The following AKAP13 variants were observed in gnomAD, a reference collection of about 807,000 sequenced individuals.
The protein encoded by AKAP13 is A-kinase anchor protein 13.
AKAP13 carries 80 observed loss-of-function variants against 264.5 expected under a neutral mutation model. That is an observed-to-expected ratio of 0.30 (90% CI 0.25 to 0.36). AKAP13 has a LOEUF of 0.36. Among genes scored for constraint, AKAP13 ranks in the 10% least tolerant of loss-of-function variants. The pLI is 1.00. For missense variants in AKAP13, 3,712 were observed against 3,435.2 expected (o/e 1.08, Z -2.01); for synonymous variants, 1,380 against 1,250.2 (o/e 1.10, Z -2.19).
At chr15:85,734,837 C>T (rs2241266) in intron 30 of AKAP13, among the ~76,000 whole-genome samples, 155 bp from the exon 31 acceptor site, 20,134 of 152,198 alleles carry the variant, frequency 0.13, 1,771 homozygotes, top group East Asian at 0.34. Flanking sequence ...AAAACACATA[C>T]CCTGAGCTGA....
intron 7 of AKAP13, among the ~76,000 whole-genome samples, chr15:85,585,421 A>T (rs1262067664): frequency 6.6e-6 from 1 of 152,204 alleles, no homozygotes; most frequent in Non-Finnish European, 1.5e-5. Flanking sequence ...CAGATTTGTC[A>T]TAAAAAGTCA....
chr15:85,424,882 C>G (rs748981449), intron 1 of AKAP13, among the ~76,000 whole-genome samples: 2 of 152,090 alleles, frequency 1.3e-5, no homozygotes, highest in Non-Finnish European at 2.9e-5. Context: ...TAGGGAGACT[C>G]AAGAAGAGGG....
chr15:85,418,662 A>G (rs1213687708), intron 1 of AKAP13, among the ~76,000 whole-genome samples: 1 of 152,260 alleles, frequency 6.6e-6, no homozygotes, highest in Non-Finnish European at 1.5e-5. Context: ...AAAAAGTGAT[A>G]AAGTAGCCTT....
At chr15:85,386,288 C>T (rs1045546310) in intron 1 of AKAP13, among the ~76,000 whole-genome samples, 4 of 151,726 alleles carry the variant, frequency 2.6e-5, no homozygotes, top group African/African-American at 7.3e-5. Flanking sequence ...CCCTATATTT[C>T]CTCCTACAAG....
chr15:85,580,719 T>C lies in AKAP13; in HGVS notation c.2651T>C (p.Leu884Pro), dbSNP rs776861948. The stretch of plus-strand genomic sequence containing the variant: ...GCCCCTCCAGCAATCCCAGAAGCTC[T>C]GAATATCAAGGGGAACACTGACTCT... Reference protein sequence around the residue: ...GPAPPAIPEALNIKGNTDSSL... With the variant: ...GPAPPAIPEAPNIKGNTDSSL... The change falls in exon 7 of 37, where the codon CTG becomes CCG. Residue 884 changes from leucine (L) to proline (P), a missense_variant. Physicochemically the swap from Leu to Pro is moderately conservative, Grantham distance 98. This residue lies in a region of AKAP13 where 2,759 missense variants were observed against 2,411.7 expected (regional missense o/e 1.14). Coordinates refer to ENST00000394518, the MANE Select transcript of AKAP13 (RefSeq NM_007200.5). The C allele has an allele frequency of 1.2e-6, 2 of 1,614,168 alleles. No homozygotes were observed. Among genetic ancestry groups the C allele is most frequent in the Non-Finnish European group, 1.7e-6 (2 of 1,180,034 alleles).
chr15:85,609,791 A>C (rs1353493233), intron 8 of AKAP13, among the ~76,000 whole-genome samples: 3 of 152,130 alleles, frequency 2.0e-5, no homozygotes, highest in Non-Finnish European at 4.4e-5. Flanking sequence ...TAACATCTTT[A>C]CCTTCACTCA....
At chr15:85,565,916 A>G (rs977914418) in intron 5 of AKAP13, among the ~76,000 whole-genome samples, 1 of 152,350 alleles carries the variant, frequency 6.6e-6, no homozygotes, top group African/African-American at 2.4e-5. Flanking sequence ...GTACCAAGCC[A>G]TGGTCTCTCA....
chr15:85,655,145 T>C (rs935680970), intron 10 of AKAP13, among the ~76,000 whole-genome samples: 2 of 152,156 alleles, frequency 1.3e-5, no homozygotes, highest in Admixed American at 6.5e-5. Flanking sequence ...TGAGCTAAGA[T>C]GGAGCCACTG....
chr15:85,593,329 A>G (rs549981095), intron 8 of AKAP13, among the ~76,000 whole-genome samples: 15 of 152,152 alleles, frequency 9.9e-5, no homozygotes, highest in African/African-American at 3.4e-4. Context: ...AAACAAAAAA[A>G]CAAAAAAACA....
chr15:85,415,545 A>G lies in AKAP13; in HGVS notation c.-12+34747A>G, dbSNP rs546931950. 3.2e-3 allele frequency: 4,715 copies of G among 1,464,840 alleles called. 157 individuals carry two copies. The South Asian group carries it at 0.049, about 15-fold the overall frequency. The allele number at this position is 1,464,840 out of a possible 1,614,324, so 90.7% of individuals were successfully genotyped here. On this transcript the variant is annotated intron_variant, in intron 1 of 36. Coordinates refer to ENST00000394518, the MANE Select transcript of AKAP13 (RefSeq NM_007200.5). ...GGAGTGGGATGGGAAGGAAAACACA[A>G]TAAGAAGAAAATTGAAAGATGGGAA...
chr15:85,688,309 T>G (rs1393486023), intron 16 of AKAP13, among the ~76,000 whole-genome samples: 1 of 152,184 alleles, frequency 6.6e-6, no homozygotes, highest in East Asian at 1.9e-4. Flanking sequence ...ACACTGATTT[T>G]TCTGTGAAAA....
At chr15:85,393,508 T>C (rs1476470000) in intron 1 of AKAP13, among the ~76,000 whole-genome samples, 5 of 152,230 alleles carry the variant, frequency 3.3e-5, no homozygotes, top group Non-Finnish European at 4.4e-5. Flanking sequence ...TAGAATAGTG[T>C]GTATGTCCAG....
rs2151691941 is a variant in AKAP13, at chr15:85,708,897, T to C, written c.5532+811T>C. Among the ~76,000 whole-genome samples, 1 of 152,322 alleles carries C rather than the reference T, an allele frequency of 6.6e-6. No individual in the cohort carries two copies. The highest frequency in any genetic ancestry group is 2.4e-5 in the African/African-American group (1 of 41,584). On this transcript the variant is annotated intron_variant, in intron 18 of 36. Coordinates refer to ENST00000394518, the MANE Select transcript of AKAP13 (RefSeq NM_007200.5). The surrounding 1 kb of genome is among the most constrained non-coding windows in gnomAD (Gnocchi z 4.3). Reference sequence around the variant, plus strand: ...GAGGGCTTATTGAAAGACAACTTACTGAGCCCCACTCCCAGAGTCTCAGAT... The same window carrying C: ...GAGGGCTTATTGAAAGACAACTTACCGAGCCCCACTCCCAGAGTCTCAGAT...
At chr15:85,646,463 C>T (rs2082566316) in intron 10 of AKAP13, among the ~76,000 whole-genome samples, 1 of 152,092 alleles carries the variant, frequency 6.6e-6, no homozygotes, top group Non-Finnish European at 1.5e-5. Context: ...AAGCATTGGC[C>T]AAAGTTATTT....
chr15:85,635,371 A>G (rs2082026508), intron 8 of AKAP13, among the ~76,000 whole-genome samples: 1 of 152,184 alleles, frequency 6.6e-6, no homozygotes, highest in Non-Finnish European at 1.5e-5. Context: ...TTTAAATAAA[A>G]TGTTTATTCA....
At chr15:85,503,983 G>T (rs2076112397) in intron 2 of AKAP13, among the ~76,000 whole-genome samples, 1 of 152,166 alleles carries the variant, frequency 6.6e-6, no homozygotes, top group Non-Finnish European at 1.5e-5. Flanking sequence ...GTGTTGAAGG[G>T]ACATGCTCAG....
At chr15:85,547,789 T>C (rs2077808367) in intron 5 of AKAP13, among the ~76,000 whole-genome samples, 1 of 152,202 alleles carries the variant, frequency 6.6e-6, no homozygotes, top group Non-Finnish European at 1.5e-5. Context: ...GACATATATG[T>C]TATCTCTTAT....
At chr15:85,544,068 C>A in intron 5 of AKAP13, 113 bp downstream of exon 5, 1 of 1,282,414 alleles carries the variant, frequency 7.8e-7, no homozygotes, top group Non-Finnish European at 1.1e-6. Context: ...ATTAAAACCT[C>A]AGCTCTGTAT....
intron 26 of AKAP13, among the ~76,000 whole-genome samples, chr15:85,725,273 A>G (rs917515092): frequency 2.6e-5 from 4 of 151,548 alleles, no homozygotes; most frequent in African/African-American, 7.3e-5. Flanking sequence ...AGCCAGTACT[A>G]TGTTGGGTAC....
Sources: allele counts gnomAD v4.1 joint callset (sites outside exome capture counted in the v4.1 genomes callset), GRCh38; gene constraint gnomAD v4.1.1; regional missense constraint gnomAD v4.1.1; non-coding constraint Gnocchi (gnomAD v3.1); transcripts MANE v1.5; gene names NCBI Gene and HGNC (gene_info 2026-07-23, HGNC 2026-07-21).